The following CCDC171 variants were observed in gnomAD, a reference collection of about 807,000 sequenced individuals.
CCDC171 encodes the protein coiled-coil domain-containing protein 171.
Under a neutral mutation model 168.2 loss-of-function variants are expected in CCDC171, and 177 were observed. The ratio of observed to expected loss-of-function variants is 1.05; its 90% CI spans 0.93 to 1.19. The LOEUF (loss-of-function observed/expected upper bound fraction) is 1.19, where lower values mean the gene tolerates loss of function less well. CCDC171 is among the 50% of genes most tolerant of loss of function. The pLI is 0.00. For synonymous variants in CCDC171, 687 were observed against 540.8 expected, an observed-to-expected ratio of 1.27 and a Z score of -3.75; for missense variants, 1,991 against 1,539.0, an observed-to-expected ratio of 1.29 and a Z score of -4.91.
At chr9:16,064,921 G>A (rs148586716), downstream of CCDC171, among the ~76,000 whole-genome samples, 37 of 152,234 alleles carry the variant, frequency 2.4e-4, no homozygotes, top group African/African-American at 8.4e-4. Context: ...ACACAACACC[G>A]CCCTTGTGGC....
intron 21 of CCDC171, among the ~76,000 whole-genome samples, chr9:15,834,179 G>C (rs780728474): frequency 5.9e-5 from 9 of 151,976 alleles, no homozygotes; most frequent in Admixed American, 1.3e-4. Context: ...ACTCAGCAAT[G>C]GTTTTGTTTC....
chr9:15,587,643 C>T (rs1370635479), intron 4 of CCDC171: 1 of 456,658 alleles, frequency 2.2e-6, no homozygotes, highest in South Asian at 1.5e-5. Context: ...GATCCTTCTC[C>T]AGCGAAGACT....
intron 21 of CCDC171, among the ~76,000 whole-genome samples, chr9:15,804,059 G>C (rs1466242652): frequency 6.6e-6 from 1 of 152,120 alleles, no homozygotes; most frequent in South Asian, 2.1e-4. Context: ...GGGAATGCTA[G>C]TGATTTTTGC....
chr9:15,920,037 T>C (rs566024843), intron 24 of CCDC171, among the ~76,000 whole-genome samples: 1 of 151,858 alleles, frequency 6.6e-6, no homozygotes, highest in South Asian at 2.1e-4. Flanking sequence ...TAGATCAAAG[T>C]ACATCTTATT....
intron 7 of CCDC171, among the ~76,000 whole-genome samples, chr9:15,628,687 A>G (rs1011230963): frequency 1.3e-5 from 2 of 152,228 alleles, no homozygotes; most frequent in Admixed American, 1.3e-4. Context: ...CGGTTCTCCC[A>G]GCACGCAGCT....
intron 11 of CCDC171, among the ~76,000 whole-genome samples, chr9:15,718,968 C>G (rs1221027170): frequency 6.6e-6 from 1 of 152,162 alleles, no homozygotes; most frequent in Admixed American, 6.5e-5. Context: ...GAAAACATGA[C>G]TTCAGCAAAC....
chr9:15,556,833 G>A (rs1401634681), intron 1 of CCDC171, among the ~76,000 whole-genome samples: 1 of 151,996 alleles, frequency 6.6e-6, no homozygotes, highest in Non-Finnish European at 1.5e-5. Flanking sequence ...TGTCCTGAAT[G>A]GTATTGCCTA....
At position 15,918,967 on chromosome 9, in the gene CCDC171, A is replaced by G. The variant is rs143715478; in HGVS notation, c.3601-1303A>G. On this transcript the variant is annotated intron_variant, in intron 24 of 25. Transcript: ENST00000380701. Reference sequence around the variant, plus strand: ...GCAGTCATTCAAACAAGTACTCACTATCCCTGAAGCTCCAAATATGTATAG... The same window carrying G: ...GCAGTCATTCAAACAAGTACTCACTGTCCCTGAAGCTCCAAATATGTATAG... Among the ~76,000 whole-genome samples the G allele has an allele frequency of 1.7e-3, 258 of 151,804 alleles. 2 individuals are homozygous for G. The highest frequency in any genetic ancestry group is 5.8e-3 in the African/African-American group (240 of 41,530).
chr9:15,763,126 A>G (rs1341734), intron 18 of CCDC171, among the ~76,000 whole-genome samples: 67,665 of 152,020 alleles, frequency 0.45, 15,398 homozygotes, highest in Non-Finnish European at 0.48. Context: ...AACAGAAGGA[A>G]ACAAATTAGA....
intron 19 of CCDC171, among the ~76,000 whole-genome samples, chr9:15,778,529 C>G (rs1164047075): frequency 5.3e-4 from 80 of 149,802 alleles, no homozygotes; most frequent in Admixed American, 5.3e-3. Flanking sequence ...GCCTCTAATC[C>G]CAGCTACTCA....
intron 24 of CCDC171, among the ~76,000 whole-genome samples, chr9:15,882,698 A>T (rs181964981): frequency 8.0e-4 from 121 of 152,104 alleles, no homozygotes; most frequent in African/African-American, 2.7e-3. Flanking sequence ...TTCTCCTAAG[A>T]TTTTAGTGTT....
At chr9:15,630,839 A>T (rs906409738) in intron 7 of CCDC171, among the ~76,000 whole-genome samples, 1 of 152,230 alleles carries the variant, frequency 6.6e-6, no homozygotes, top group Non-Finnish European at 1.5e-5. Flanking sequence ...CCACAGTGCA[A>T]TCAAACTAGA....
At chr9:16,095,313 C>T in the CCDC171 span, among the ~76,000 whole-genome samples, 9 of 152,098 alleles carry the variant, frequency 5.9e-5, no homozygotes, top group South Asian at 4.1e-4. Flanking sequence ...CATTCACATA[C>T]GGGCCCATGG....
intron 3 of CCDC171, among the ~76,000 whole-genome samples, chr9:16,006,378 A>G (rs1208143294): frequency 1.3e-5 from 2 of 152,062 alleles, no homozygotes. Context: ...TGTGTTTATG[A>G]GCTATTCGTA....
intron 6 of CCDC171, among the ~76,000 whole-genome samples, chr9:16,027,906 C>T (rs1481064316): frequency 2.0e-5 from 3 of 152,198 alleles, no homozygotes; most frequent in Non-Finnish European, 4.4e-5. Flanking sequence ...GAAAGCTCCA[C>T]ATTCAGAGCA....
chr9:16,106,472 G>A, the CCDC171 span, among the ~76,000 whole-genome samples: 64 of 152,242 alleles, frequency 4.2e-4, no homozygotes, highest in Non-Finnish European at 7.9e-4. Context: ...TGCAATTCCG[G>A]AGCTAAAGGC....
At chr9:15,752,027 A>G (rs371346156) in intron 18 of CCDC171, among the ~76,000 whole-genome samples, 9 of 152,242 alleles carry the variant, frequency 5.9e-5, no homozygotes, top group Non-Finnish European at 1.3e-4. Flanking sequence ...AAGGGCTAAT[A>G]TCCAGAATCT....
At chr9:15,987,512 G>T (rs1490681163) in intron 3 of CCDC171, among the ~76,000 whole-genome samples, 1 of 152,106 alleles carries the variant, frequency 6.6e-6, no homozygotes, top group Non-Finnish European at 1.5e-5. Context: ...AATGGACAGA[G>T]ATTTGAAACA....
intron 7 of CCDC171, among the ~76,000 whole-genome samples, chr9:15,656,426 T>A (rs547451958): frequency 6.6e-6 from 1 of 152,230 alleles, no homozygotes. Context: ...CTACAAAGTC[T>A]TGCACACAAA....
Sources: allele counts gnomAD v4.1 joint callset (sites outside exome capture counted in the v4.1 genomes callset), GRCh38; gene constraint gnomAD v4.1.1; transcripts MANE v1.5; gene names NCBI Gene and HGNC (gene_info 2026-07-23, HGNC 2026-07-21).